Variants in CCDC85C observed in about 807,000 individuals in gnomAD.
CCDC85C encodes coiled-coil domain-containing protein 85C.
In CCDC85C, 18 loss-of-function variants were observed where a neutral mutation model predicts 38.3. That is an observed-to-expected ratio of 0.47 (90% CI 0.33 to 0.70). The LOEUF (loss-of-function observed/expected upper bound fraction) is 0.70. Ranked by LOEUF, CCDC85C falls within the 30% of genes least tolerant of loss-of-function variation. CCDC85C has a pLI of 0.03. For missense variants in CCDC85C, 566 were observed against 621.2 expected, an observed-to-expected ratio of 0.91 and a Z score of 0.94; for synonymous variants, 264 against 293.8, an observed-to-expected ratio of 0.90 and a Z score of 1.04.
rs1014014548 is a variant in CCDC85C at position 99,530,133 on chromosome 14, G to A, written c.867+5882C>T. Among the ~76,000 whole-genome samples, 13 of 152,192 alleles carry A rather than the reference G, an allele frequency of 8.5e-5. No homozygotes were observed. The East Asian group carries it at 1.7e-3, about 20-fold the overall frequency. Reference sequence around the variant, plus strand: ...TCTCCCCCAGCATCTGGCTCACGGTGGACACTCCTTACACTGCTGGTGCTA... The same window carrying A: ...TCTCCCCCAGCATCTGGCTCACGGTAGACACTCCTTACACTGCTGGTGCTA... On this transcript the variant is annotated intron_variant, in intron 2 of 5. Coordinates refer to ENST00000380243, the MANE Select transcript of CCDC85C (RefSeq NM_001144995.2).
chr14:99,565,312 G>A (rs572711509), intron 1 of CCDC85C, among the ~76,000 whole-genome samples: 1 of 152,190 alleles, frequency 6.6e-6, no homozygotes, highest in Non-Finnish European at 1.5e-5. Flanking sequence ...GCTCTCTCAC[G>A]CCATGGAGGT....
At chr14:99,521,988 A>C in intron 3 of CCDC85C, 145 bp downstream of exon 3, 1 of 640,264 alleles carries the variant, frequency 1.6e-6, no homozygotes, top group Non-Finnish European at 2.7e-6. Flanking sequence ...TAACTGCCAC[A>C]CTGGATGGGA....
rs552932177 is a variant in CCDC85C, at chr14:99,572,595, A to G, written c.793+30572T>C. 19 of 445,714 alleles carry G rather than the reference A, an allele frequency of 4.3e-5. No individual in the cohort carries two copies. Among genetic ancestry groups the G allele is most frequent in the Middle Eastern group, 9.8e-4 (2 of 2,038 alleles). The allele number at this position is 445,714 out of a possible 1,614,324, so 27.6% of individuals were successfully genotyped here. A position where few individuals can be genotyped will look rare whatever the true frequency, so the allele number is the denominator to read the frequency against. On this transcript the variant is annotated intron_variant, in intron 1 of 5. Coordinates refer to ENST00000380243, the MANE Select transcript of CCDC85C (RefSeq NM_001144995.2). This position sits in a 1 kb window ranked among gnomAD's most constrained non-coding sequence, Gnocchi z 4.4. The stretch of plus-strand genomic sequence containing the variant: ...TGGTCAGCTCCGGGAAAGCTCTGAC[A>G]TCTGTCCTTTGCTGGAAACCTTCCA...
At chr14:99,559,866 G>A (rs539291296) in intron 1 of CCDC85C, among the ~76,000 whole-genome samples, 2 of 152,194 alleles carry the variant, frequency 1.3e-5, no homozygotes, top group East Asian at 1.9e-4. Context: ...ACCCCTGCCC[G>A]GGAGAGAACA....
chr14:99,532,455 C>A (rs893926034), intron 2 of CCDC85C, among the ~76,000 whole-genome samples: 25 of 152,212 alleles, frequency 1.6e-4, no homozygotes, highest in African/African-American at 6.0e-4. Flanking sequence ...TGAGACTGGC[C>A]TGCCAGCCCT....
rs1897237732 is a variant in CCDC85C at position 99,517,093 on chromosome 14, T to C, written c.1066A>G (p.Met356Val). 6.4e-7 allele frequency: 1 copy of C among 1,550,446 alleles called. No individual in the cohort carries two copies. Among genetic ancestry groups the C allele is most frequent in the Non-Finnish European group, 8.7e-7 (1 of 1,146,886 alleles). Residue 356 changes from methionine to valine, a missense_variant, in exon 4 of 6, where the codon ATG (methionine) becomes GTG (valine). Physicochemically the swap from Met to Val is conservative, Grantham distance 21. Coordinates refer to ENST00000380243, the MANE Select transcript of CCDC85C (RefSeq NM_001144995.2). ...GQKPEAVVHA[M>V]KVLEVHENLD... Reference sequence around the variant, plus strand: ...GAGCGGGTAGTGGCCCTCACCTTCATGGCATGCACGACAGCCTCGGGCTTC... The same window carrying C: ...GAGCGGGTAGTGGCCCTCACCTTCACGGCATGCACGACAGCCTCGGGCTTC...
Position 99,515,273 on chromosome 14 carries a change from A to C in CCDC85C, c.1233T>G (p.Ser411=). ...ACAAAGGCCCCTTGAACTGGTTCCCAGACAGGTGCTGCCGTATGGAGGGCT... is the reference window on the plus strand; with the variant it reads ...ACAAAGGCCCCTTGAACTGGTTCCCCGACAGGTGCTGCCGTATGGAGGGCT... The part of the protein sequence containing the change: ...SSKPSIRQHL[S]GNQFKGPL The change falls in exon 6 of 6, where the codon TCT becomes TCG. Residue 411 remains serine (S), a synonymous_variant. Coordinates refer to ENST00000380243, the MANE Select transcript of CCDC85C (RefSeq NM_001144995.2). The C allele has an allele frequency of 6.4e-7, 1 of 1,550,830 alleles. No homozygotes were observed. The highest frequency in any genetic ancestry group is 2.4e-5 in the East Asian group (1 of 40,906).
At chr14:99,590,533 C>A (rs2055074519) in intron 1 of CCDC85C, among the ~76,000 whole-genome samples, 1 of 151,924 alleles carries the variant, frequency 6.6e-6, no homozygotes, top group South Asian at 2.1e-4. Context: ...CTCCCCCTAC[C>A]ATCAACACTG....
rs1428403153 is a variant in CCDC85C at position 99,507,782 on chromosome 14, C to T, written c.*7464G>A. On this transcript the variant is annotated 3_prime_UTR_variant, in exon 6 of 6. Transcript: ENST00000380243. ...CACCTGCTTCCTATTGGCAGTGTGT[C>T]GTCTTAGTGCATTCTGAAGAATAAG... 6.5e-6 allele frequency: 1 copy of T among 152,854 alleles called. No homozygotes were observed. Among genetic ancestry groups the T allele is most frequent in the Non-Finnish European group, 1.5e-5 (1 of 68,610 alleles). The allele number at this position is 152,854 out of a possible 1,614,324, so 9.5% of individuals were successfully genotyped here.
chr14:99,501,326 A>G lies in CCDC85C; in HGVS notation c.*13920T>C, dbSNP rs753268667. 1.4e-6 allele frequency: 2 copies of G among 1,463,612 alleles called. No individual in the cohort carries two copies. The highest frequency in any genetic ancestry group is 1.1e-5 in the South Asian group (1 of 87,754). The allele number at this position is 1,463,612 out of a possible 1,614,324, so 90.7% of individuals were successfully genotyped here. On this transcript the variant is annotated 3_prime_UTR_variant, in exon 6 of 6. Coordinates refer to ENST00000380243, the MANE Select transcript of CCDC85C (RefSeq NM_001144995.2). ...GCTGCCTGTGAATTTTTCTATTGCT[A>G]TTAATTTACCTTTTTGTCCCCATTT... is the stretch of plus-strand genomic sequence containing the variant.
rs1236555184 is a variant in CCDC85C at position 99,556,602 on chromosome 14, G to C, written c.794-20514C>G. 2.0e-5 allele frequency among the ~76,000 whole-genome samples: 3 copies of C among 152,104 alleles called. 1 individual carries two copies. The South Asian group carries it at 6.2e-4, about 32-fold the overall frequency. On this transcript the variant is annotated intron_variant, in intron 1 of 5. Coordinates refer to ENST00000380243, the MANE Select transcript of CCDC85C (RefSeq NM_001144995.2). Reference sequence around the variant, plus strand: ...GTGATCATGGCTCACCTGAAACCTTGAACTCTGAACTCCCAGGCTCAGGCA... The same window carrying C: ...GTGATCATGGCTCACCTGAAACCTTCAACTCTGAACTCCCAGGCTCAGGCA...
At chr14:99,570,316 C>A (rs1157680651) in intron 1 of CCDC85C, among the ~76,000 whole-genome samples, 1 of 152,264 alleles carries the variant, frequency 6.6e-6, no homozygotes, top group Non-Finnish European at 1.5e-5. Context: ...CCCTGGGGCC[C>A]TGGACAGGTG....
rs189193359 is a variant in CCDC85C at position 99,503,081 on chromosome 14, C to G, written c.*12165G>C. On this transcript the variant is annotated 3_prime_UTR_variant, in exon 6 of 6. Coordinates refer to ENST00000380243, the MANE Select transcript of CCDC85C (RefSeq NM_001144995.2). ...ATTTCTAAGCGAGCACAGGGAACAC[C>G]GGAAGCAGGGGGTGTTCGCCGAAAC... 18 of 1,364,394 alleles carry G rather than the reference C, an allele frequency of 1.3e-5. No homozygotes were observed. Among genetic ancestry groups the G allele is most frequent in the Non-Finnish European group, 1.8e-5 (17 of 955,472 alleles). The allele number at this position is 1,364,394 out of a possible 1,614,324, so 84.5% of individuals were successfully genotyped here. A position where few individuals can be genotyped will look rare whatever the true frequency, so the allele number is the denominator to read the frequency against.
In CCDC85C at chr14:99,604,065, GC is replaced by G. The variant is rs1239012876; in HGVS notation, c.-107del. ...GCGCGCGGGCGGGGGGCGGCCGGGG[GC>G]GCGTGCGGCCCGCCCCGCGCCGCCT... On this transcript the variant is annotated 5_prime_UTR_variant, in exon 1 of 6. Transcript: ENST00000380243. 1.0e-6 allele frequency: 1 copy of G among 971,650 alleles called. No individual in the cohort carries two copies. Among genetic ancestry groups the G allele is most frequent in the Non-Finnish European group, 1.2e-6 (1 of 821,034 alleles). The allele number at this position is 971,650 out of a possible 1,614,324, so 60.2% of individuals were successfully genotyped here.
chr14:99,589,436 C>T (rs2055062379), intron 1 of CCDC85C, among the ~76,000 whole-genome samples: 1 of 152,022 alleles, frequency 6.6e-6, no homozygotes, highest in African/African-American at 2.4e-5. Context: ...AACGTGCATT[C>T]GGTTGTGGAG....
At chr14:99,602,300 C>T (rs1469054539) in intron 1 of CCDC85C, among the ~76,000 whole-genome samples, 2 of 152,340 alleles carry the variant, frequency 1.3e-5, no homozygotes, top group Middle Eastern at 3.4e-3. Context: ...CTGCACTGGG[C>T]GCAGCAGTAA....
chr14:99,581,633 C>A (rs1292037263), intron 1 of CCDC85C, among the ~76,000 whole-genome samples: 1 of 152,210 alleles, frequency 6.6e-6, no homozygotes, highest in Non-Finnish European at 1.5e-5. Context: ...TCTCGCCTGC[C>A]TGCGCCAGGC....
intron 1 of CCDC85C, among the ~76,000 whole-genome samples, chr14:99,593,198 C>A (rs1418909784): frequency 1.3e-5 from 2 of 152,232 alleles, no homozygotes; most frequent in Admixed American, 6.5e-5. Flanking sequence ...GGGAGCACCG[C>A]GCTCAAAGGA....
rs1450754042 is a variant in CCDC85C at position 99,603,624 on chromosome 14, C to A, written c.336G>T (p.Ala112=). ...AREWQRFGRH[A]AGAVWHEVAR... The stretch of plus-strand genomic sequence containing the variant: ...CCACCTCGTGCCACACGGCGCCGGC[C>A]GCGTGGCGCCCGAAGCGCTGCCACT... The change falls in exon 1 of 6, where the codon GCG becomes GCT. Residue 112 remains alanine, a synonymous_variant. Transcript: ENST00000380243. The surrounding 1 kb of genome is among the most constrained non-coding windows in gnomAD (Gnocchi z 7.5). 6.8e-7 allele frequency: 1 copy of A among 1,463,148 alleles called. No individual in the cohort carries two copies. The highest frequency in any genetic ancestry group is 1.3e-5 in the South Asian group (1 of 75,852). The allele number at this position is 1,463,148 out of a possible 1,614,324, so 90.6% of individuals were successfully genotyped here. A position where few individuals can be genotyped will look rare whatever the true frequency, so the allele number is the denominator to read the frequency against.
Sources: allele counts gnomAD v4.1 joint callset (sites outside exome capture counted in the v4.1 genomes callset), GRCh38; gene constraint gnomAD v4.1.1; non-coding constraint Gnocchi (gnomAD v3.1); transcripts MANE v1.5; gene names NCBI Gene and HGNC (gene_info 2026-07-23, HGNC 2026-07-21).